Variants in ZFHX3 observed in about 807,000 individuals in gnomAD.
ZFHX3 encodes zinc finger homeobox protein 3.
Under a neutral mutation model 279.1 loss-of-function variants are expected in ZFHX3, and 42 were observed. That is an observed-to-expected ratio of 0.15 (90% CI 0.12 to 0.19). The LOEUF (loss-of-function observed/expected upper bound fraction) is 0.19, where lower values mean the gene tolerates loss of function less well. Ranked by LOEUF, ZFHX3 falls within the 10% of genes least tolerant of loss-of-function variation. The pLI is 1.00. For synonymous variants in ZFHX3, 2,293 were observed against 1,957.8 expected (o/e 1.17, Z -4.52); for missense variants, 4,981 against 4,754.0 (o/e 1.05, Z -1.40).
chr16:73,100,926 T>G (rs1202749659), intron 7 of ZFHX3, among the ~76,000 whole-genome samples: 4 of 152,190 alleles, frequency 2.6e-5, no homozygotes, highest in Non-Finnish European at 1.5e-5. Flanking sequence ...GAAAGGATTC[T>G]GAGAATTAAA....
chr16:72,784,796 C>A lies in ZFHX3; in HGVS notation c.*2368G>T, dbSNP rs867207498. On this transcript the variant is annotated 3_prime_UTR_variant, in exon 10 of 10. Transcript: ENST00000268489. ...CTTTAGTATTTCTACTTAAAAAAAA[C>A]AATTAAAAAAGGAATTTGCACTGTG... The A allele has an allele frequency of 1.1e-4, 17 of 151,770 alleles. No individual in the cohort carries two copies. The highest frequency in any genetic ancestry group is 2.1e-4 in the South Asian group (1 of 4,804). 9.4% of individuals were successfully genotyped at this position (151,770 alleles called of 1,614,324 possible).
At chr16:73,770,229 T>A (rs558817433) in intron 1 of ZFHX3, among the ~76,000 whole-genome samples, 2 of 152,202 alleles carry the variant, frequency 1.3e-5, no homozygotes, top group African/African-American at 4.8e-5. Context: ...GTCAGAGTGA[T>A]GTAATGTTAG....
intron 3 of ZFHX3, among the ~76,000 whole-genome samples, chr16:73,424,677 C>A (rs551496624): frequency 2.0e-5 from 3 of 146,984 alleles, no homozygotes; most frequent in African/African-American, 2.5e-5. Context: ...GCACTTGAGC[C>A]CAGGAGGTTG....
At chr16:73,774,200 G>T (rs1449022473) in intron 1 of ZFHX3, among the ~76,000 whole-genome samples, 1 of 151,924 alleles carries the variant, frequency 6.6e-6, no homozygotes, top group Non-Finnish European at 1.5e-5. Context: ...ATGACTCCTT[G>T]GTCCAAAAAC....
intron 3 of ZFHX3, among the ~76,000 whole-genome samples, chr16:72,946,792 C>A (rs987968181): frequency 1.1e-4 from 17 of 152,168 alleles, no homozygotes; most frequent in African/African-American, 4.1e-4. Flanking sequence ...CACATCTCTA[C>A]GGGTGGAGAA....
At chr16:73,747,415 T>C (rs1364006623) in intron 1 of ZFHX3, among the ~76,000 whole-genome samples, 1 of 152,140 alleles carries the variant, frequency 6.6e-6, no homozygotes, top group Non-Finnish European at 1.5e-5. Context: ...TTTAGATCTT[T>C]GCTTAAAGAA....
intron 3 of ZFHX3, among the ~76,000 whole-genome samples, chr16:72,906,668 C>T (rs1472852358): frequency 3.9e-5 from 6 of 152,078 alleles, no homozygotes; most frequent in African/African-American, 9.7e-5. Flanking sequence ...CATGGTGGCA[C>T]GCGCCCGCAG....
chr16:73,168,227 C>CTT (rs965072142), intron 5 of ZFHX3, among the ~76,000 whole-genome samples: 1 of 135,438 alleles, frequency 7.4e-6, no homozygotes, highest in African/African-American at 2.8e-5. Context: ...TTCTTTCTTT[C>CTT]TTTCTTTCTT....
intron 3 of ZFHX3, among the ~76,000 whole-genome samples, chr16:72,933,005 A>G (rs1959905633): frequency 6.6e-6 from 1 of 152,162 alleles, no homozygotes; most frequent in Admixed American, 6.5e-5. Flanking sequence ...CTCCCTCCTT[A>G]AAACCCCAAG....
At chr16:73,208,254 T>C (rs1021282751) in intron 5 of ZFHX3, among the ~76,000 whole-genome samples, 1 of 152,246 alleles carries the variant, frequency 6.6e-6, no homozygotes. Context: ...TACATCCATA[T>C]GATAAAATAT....
chr16:73,662,576 TG>T (rs755409127), intron 2 of ZFHX3, among the ~76,000 whole-genome samples: 5 of 152,310 alleles, frequency 3.3e-5, no homozygotes, highest in Middle Eastern at 3.4e-3. Flanking sequence ...TTCCTGAGGC[TG>T]GCAAACTCTA....
intron 2 of ZFHX3, among the ~76,000 whole-genome samples, chr16:73,576,447 A>G (rs1484857952): frequency 1.3e-5 from 2 of 152,204 alleles, no homozygotes; most frequent in South Asian, 4.1e-4. Flanking sequence ...TCAAGAATAG[A>G]TAATGCACCT....
chr16:72,961,881 C>A (rs1483382255), intron 1 of ZFHX3, among the ~76,000 whole-genome samples: 3 of 123,420 alleles, frequency 2.4e-5, no homozygotes, highest in African/African-American at 9.3e-5. Context: ...GAGATGACTA[C>A]AGTAAACCAA....
chr16:73,320,023 GA>G (rs2015543624), intron 3 of ZFHX3, among the ~76,000 whole-genome samples: 1 of 152,168 alleles, frequency 6.6e-6, no homozygotes, highest in Admixed American at 6.5e-5. Context: ...TCTCCAGAGA[GA>G]GCTGGACAGA....
intron 1 of ZFHX3, among the ~76,000 whole-genome samples, chr16:73,751,493 A>C (rs2053761727): frequency 6.6e-6 from 1 of 150,848 alleles, no homozygotes; most frequent in South Asian, 2.2e-4. Flanking sequence ...ACGAATGTCT[A>C]ATCATGTACA....
chr16:73,355,100 G>A (rs1295012217), intron 3 of ZFHX3, among the ~76,000 whole-genome samples: 2 of 152,200 alleles, frequency 1.3e-5, no homozygotes, highest in Non-Finnish European at 2.9e-5. Flanking sequence ...AGGTGTGTTC[G>A]GGGGATACGT....
At chr16:73,729,501 C>T (rs1352130040) in intron 1 of ZFHX3, among the ~76,000 whole-genome samples, 2 of 151,940 alleles carry the variant, frequency 1.3e-5, no homozygotes, top group East Asian at 3.9e-4. Context: ...TATACTCCAG[C>T]CTGGGCAACA....
At chr16:72,921,477 G>A (rs895994979) in intron 3 of ZFHX3, among the ~76,000 whole-genome samples, 2 of 152,232 alleles carry the variant, frequency 1.3e-5, no homozygotes, top group African/African-American at 4.8e-5. Context: ...ACTGAACGGG[G>A]ATTTGGGATG....
At chr16:73,133,180 C>A (rs891151504) in intron 6 of ZFHX3, among the ~76,000 whole-genome samples, 1 of 152,158 alleles carries the variant, frequency 6.6e-6, no homozygotes, top group Non-Finnish European at 1.5e-5. Context: ...ATGTCCATAA[C>A]CCCCAGTATC....
Sources: gnomAD v4.1 joint callset for allele counts (sites outside exome capture counted in the v4.1 genomes callset) on GRCh38, gnomAD v4.1.1 for gene constraint, MANE v1.5 for transcripts, NCBI Gene and HGNC (gene_info 2026-07-23, HGNC 2026-07-21) for gene names.